Variants in SPON1 observed in about 807,000 individuals in gnomAD.
The protein encoded by SPON1 is spondin-1.
SPON1 carries 52 observed loss-of-function variants against 111.7 expected under a neutral mutation model. That is an observed-to-expected ratio of 0.47 (90% CI 0.37 to 0.59). SPON1 has a LOEUF of 0.59. Among genes scored for constraint, SPON1 ranks in the 20% least tolerant of loss-of-function variants. The pLI, the probability that SPON1 is intolerant of heterozygous loss-of-function variation, is 0.00. For synonymous variants in SPON1, 410 were observed against 395.8 expected (o/e 1.04, Z -0.43); for missense variants, 957 against 1,068.5 (o/e 0.90, Z 1.46).
intron 5 of SPON1, among the ~76,000 whole-genome samples, chr11:14,083,530 A>G (rs1373110299): frequency 6.6e-6 from 1 of 152,204 alleles, no homozygotes; most frequent in Non-Finnish European, 1.5e-5. Flanking sequence ...TCATTGCTTT[A>G]CCTTCTACTT....
At chr11:14,147,722 C>A (rs1353796924) in intron 6 of SPON1, among the ~76,000 whole-genome samples, 3 of 148,658 alleles carry the variant, frequency 2.0e-5, no homozygotes, top group Non-Finnish European at 4.5e-5. Context: ...TGGCCCAAAA[C>A]ATTTTTTAAG....
chr11:14,176,588 T>C (rs1303541087), intron 6 of SPON1, among the ~76,000 whole-genome samples: 4 of 152,190 alleles, frequency 2.6e-5, no homozygotes, highest in Non-Finnish European at 4.4e-5. Context: ...TTGGCAGCAA[T>C]ACTCACCAAT....
rs1554942079 is a variant in SPON1 at position 14,262,986 on chromosome 11, C to A, written c.2260+11C>A. On this transcript the variant is annotated intron_variant, in intron 15 of 15. Transcript: ENST00000576479. ...GGGAGCAGTTCCCAGGTATGGCTCC[C>A]AAGTGTCAGCCTGGGTGGTCTCCAG... 1 of 1,610,828 alleles carries A rather than the reference C, an allele frequency of 6.2e-7. No individual in the cohort carries two copies. Among genetic ancestry groups the A allele is most frequent in the Admixed American group, 1.7e-5 (1 of 59,876 alleles).
chr11:14,059,585 G>A (rs1848774843), intron 3 of SPON1, among the ~76,000 whole-genome samples: 1 of 152,100 alleles, frequency 6.6e-6, no homozygotes, highest in Admixed American at 6.6e-5. Flanking sequence ...CAGAGGGGCT[G>A]GCACATGAAT....
At chr11:14,264,753 G>A (rs1849243542) in intron 15 of SPON1, among the ~76,000 whole-genome samples, 1 of 152,172 alleles carries the variant, frequency 6.6e-6, no homozygotes, top group Admixed American at 6.5e-5. Flanking sequence ...CTATAAAAGA[G>A]GAATCTAGAG....
At chr11:14,102,386 T>C (rs1248701874) in intron 5 of SPON1, among the ~76,000 whole-genome samples, 2 of 152,258 alleles carry the variant, frequency 1.3e-5, no homozygotes, top group African/African-American at 2.4e-5. Flanking sequence ...CATTTTAACA[T>C]GCAATTCATA....
At chr11:14,211,278 A>C (rs1848572928) in intron 6 of SPON1, among the ~76,000 whole-genome samples, 3 of 152,098 alleles carry the variant, frequency 2.0e-5, no homozygotes, top group Admixed American at 2.0e-4. Flanking sequence ...CAACTTCAGC[A>C]AAGTCTCAGG....
chr11:14,172,280 T>C (rs1355439803), intron 6 of SPON1, among the ~76,000 whole-genome samples: 1 of 151,966 alleles, frequency 6.6e-6, no homozygotes, highest in Non-Finnish European at 1.5e-5. Context: ...CTTTGTTGGT[T>C]TAAAGTCTGT....
rs192778340 is a variant in SPON1 at position 14,037,482 on chromosome 11, T to C, written c.346-4039T>C. 4.0e-5 allele frequency among the ~76,000 whole-genome samples: 6 copies of C among 150,540 alleles called. No individual in the cohort carries two copies. The Middle Eastern group carries it at 0.017, about 427-fold the overall frequency. On this transcript the variant is annotated intron_variant, in intron 2 of 15. Coordinates refer to ENST00000576479, the MANE Select transcript of SPON1 (RefSeq NM_006108.4). ...CAAAGGTAATATAATAGAGCAAAGA[T>C]AGTCTTTTCAACAAATGGTGCTGAA...
At chr11:14,143,419 C>T (rs1349116010) in intron 6 of SPON1, among the ~76,000 whole-genome samples, 2 of 152,098 alleles carry the variant, frequency 1.3e-5, no homozygotes, top group Admixed American at 1.3e-4. Flanking sequence ...AAAAATTAGC[C>T]AGGCATGGAG....
intron 1 of SPON1, among the ~76,000 whole-genome samples, chr11:13,978,451 C>A (rs1302739621): frequency 6.6e-6 from 1 of 152,140 alleles, no homozygotes; most frequent in Non-Finnish European, 1.5e-5. Context: ...GGTTCTTACC[C>A]TTGAACGTCT....
intron 2 of SPON1, among the ~76,000 whole-genome samples, chr11:14,019,065 A>G (rs1848462960): frequency 6.6e-6 from 1 of 152,168 alleles, no homozygotes; most frequent in Non-Finnish European, 1.5e-5. Context: ...ACCAAGACAG[A>G]GTTTGAATGA....
chr11:14,137,876 C>G (rs1397184133), intron 6 of SPON1, among the ~76,000 whole-genome samples: 2 of 152,182 alleles, frequency 1.3e-5, no homozygotes, highest in South Asian at 2.1e-4. Context: ...GGTTCCCCAG[C>G]TCCTGGGAAA....
chr11:14,042,597 G>T (rs1848640229), intron 3 of SPON1, among the ~76,000 whole-genome samples: 1 of 152,156 alleles, frequency 6.6e-6, no homozygotes, highest in African/African-American at 2.4e-5. Flanking sequence ...CATCCAAGAA[G>T]TCACTTTTTT....
intron 6 of SPON1, among the ~76,000 whole-genome samples, chr11:14,146,101 T>C (rs188118005): frequency 3.6e-4 from 54 of 151,858 alleles, no homozygotes; most frequent in African/African-American, 1.2e-3. Context: ...CATTTTGCCA[T>C]ACGGCCTCTT....
chr11:14,235,933 A>G (rs988565630), intron 6 of SPON1, among the ~76,000 whole-genome samples: 2 of 152,142 alleles, frequency 1.3e-5, no homozygotes, highest in Non-Finnish European at 2.9e-5. Context: ...AGCAAGTGCA[A>G]GGTGTGCCTG....
chr11:13,966,494 A>T (rs1848017297), intron 1 of SPON1, among the ~76,000 whole-genome samples: 1 of 152,142 alleles, frequency 6.6e-6, no homozygotes, highest in African/African-American at 2.4e-5. Context: ...ATAAAGTCAG[A>T]CTCTGGCTAA....
At chr11:14,116,791 A>G (rs1849270238) in intron 5 of SPON1, among the ~76,000 whole-genome samples, 1 of 152,176 alleles carries the variant, frequency 6.6e-6, no homozygotes, top group Admixed American at 6.5e-5. Context: ...AACTCATAGA[A>G]AAACGTGGGG....
intron 7 of SPON1, among the ~76,000 whole-genome samples, chr11:14,254,180 T>C (rs560212425): frequency 1.3e-5 from 2 of 152,182 alleles, no homozygotes; most frequent in East Asian, 1.9e-4. Context: ...TGATGGGAGG[T>C]TGAGGTGCAA....
Sources: allele counts gnomAD v4.1 joint callset (sites outside exome capture counted in the v4.1 genomes callset), GRCh38; gene constraint gnomAD v4.1.1; transcripts MANE v1.5; gene names NCBI Gene and HGNC (gene_info 2026-07-23, HGNC 2026-07-21).